LRRIQ3: variants seen among roughly 807,000 people sequenced by gnomAD.
LRRIQ3 encodes leucine rich repeats and IQ motif containing 3.
Under a neutral mutation model 59.3 loss-of-function variants are expected in LRRIQ3, and 75 were observed. That is an observed-to-expected ratio of 1.26 (90% confidence interval 1.05 to 1.53). The LOEUF is 1.53. Among genes scored for constraint, LRRIQ3 ranks in the 40% most tolerant of loss-of-function variants. LRRIQ3 has a pLI of 0.00. For missense variants in LRRIQ3, 831 were observed against 710.0 expected (o/e 1.17, Z -1.94); for synonymous variants, 250 against 231.3 (o/e 1.08, Z -0.73).
intron 6 of LRRIQ3, 30 bp from the exon 7 acceptor site, chr1:74,041,963 T>A (rs774174478): frequency 1.3e-6 from 2 of 1,522,374 alleles, no homozygotes; most frequent in Non-Finnish European, 1.8e-6. Context: ...ATATTATACA[T>A]TATACAAGAG....
At chr1:74,186,893 T>C (rs1650419044) in intron 1 of LRRIQ3, among the ~76,000 whole-genome samples, 1 of 152,134 alleles carries the variant, frequency 6.6e-6, no homozygotes, top group Non-Finnish European at 1.5e-5. Flanking sequence ...CAGTGTCTTT[T>C]CCTCCATTTT....
At chr1:74,174,228 G>A (rs1201102164) in intron 3 of LRRIQ3, among the ~76,000 whole-genome samples, 38 of 149,100 alleles carry the variant, frequency 2.5e-4, no homozygotes, top group East Asian at 1.2e-3. Flanking sequence ...TTTTCTTTTC[G>A]TCTCTCTGAC....
At chr1:74,040,173 C>A (rs1175092379) in intron 7 of LRRIQ3, among the ~76,000 whole-genome samples, 1 of 152,074 alleles carries the variant, frequency 6.6e-6, no homozygotes, top group African/African-American at 2.4e-5. Context: ...TTTAAACCAA[C>A]AAAAATCAGA....
intron 5 of LRRIQ3, among the ~76,000 whole-genome samples, chr1:74,094,279 C>G (rs1001542330): frequency 6.6e-6 from 1 of 151,994 alleles, no homozygotes; most frequent in African/African-American, 2.4e-5. Context: ...GCTCATAACA[C>G]TTTATAGGCA....
rs1313296437 is a variant in LRRIQ3, at chr1:74,183,448, G to A, written c.237C>T (p.Leu79=). Residue 79 remains leucine (L), a synonymous_variant, in exon 2 of 8, where the codon CTC becomes CTT. Transcript: ENST00000354431. ...GGCTATTGCTTACCTGATTTCCATG[G>A]AGATCAAGTTTGATTAATTTTATAC... ...QSCIKLIKLD[L]HGNQIKSLPN... is the part of the protein sequence containing the mutation. 1.9e-6 allele frequency: 3 copies of A among 1,572,554 alleles called. No individual in the cohort carries two copies. The African/African-American group carries it at 4.1e-5, about 22-fold the overall frequency.
At chr1:74,104,293 T>C (rs1646577642) in intron 5 of LRRIQ3, among the ~76,000 whole-genome samples, 1 of 152,040 alleles carries the variant, frequency 6.6e-6, no homozygotes, top group Non-Finnish European at 1.5e-5. Context: ...TACAGCTGTT[T>C]GTATGACATT....
At chr1:74,177,016 T>C (rs1649683811) in intron 3 of LRRIQ3, among the ~76,000 whole-genome samples, 1 of 152,050 alleles carries the variant, frequency 6.6e-6, no homozygotes, top group Non-Finnish European at 1.5e-5. Context: ...TGCAGTAGAG[T>C]GGTTATTTTC....
chr1:74,049,211 T>C (rs910067452), intron 6 of LRRIQ3, among the ~76,000 whole-genome samples: 2 of 152,158 alleles, frequency 1.3e-5, no homozygotes, highest in East Asian at 3.9e-4. Flanking sequence ...AGAGTGGTGC[T>C]GGAGACGCTC....
chr1:74,168,299 T>C (rs1649116689), intron 3 of LRRIQ3, among the ~76,000 whole-genome samples: 1 of 152,040 alleles, frequency 6.6e-6, no homozygotes, highest in Non-Finnish European at 1.5e-5. Flanking sequence ...GGCTATGCCT[T>C]ATTAGTAGAT....
chr1:74,190,859 G>C (rs1189820378), intron 1 of LRRIQ3, among the ~76,000 whole-genome samples: 1 of 152,106 alleles, frequency 6.6e-6, no homozygotes, highest in African/African-American at 2.4e-5. Context: ...GAAGATAGTG[G>C]AGTGAAATAT....
intron 5 of LRRIQ3, among the ~76,000 whole-genome samples, chr1:74,105,837 A>C (rs1157328338): frequency 6.6e-6 from 1 of 152,028 alleles, no homozygotes; most frequent in African/African-American, 2.4e-5. Flanking sequence ...AAAGTAAATA[A>C]AAATATTCTA....
At chr1:74,195,145 A>C (rs1182504866) in intron 1 of LRRIQ3, among the ~76,000 whole-genome samples, 2 of 152,184 alleles carry the variant, frequency 1.3e-5, no homozygotes, top group Non-Finnish European at 2.9e-5. Flanking sequence ...TTAAGAAATA[A>C]ATTGAGAACA....
intron 6 of LRRIQ3, among the ~76,000 whole-genome samples, chr1:74,057,026 G>GT (rs944217335): frequency 2.0e-5 from 3 of 152,108 alleles, no homozygotes; most frequent in Non-Finnish European, 4.4e-5. Context: ...CGCTATGATT[G>GT]TAAGTTTCCT....
Position 74,198,168 on chromosome 1 carries a change from G to A in LRRIQ3, c.-173C>T. ...CGGGCGCCAGCCAAGGCGCTCCGGGGGCGTGGTTACGTGGGCGACGCACGG... is the reference window on the plus strand; with the variant it reads ...CGGGCGCCAGCCAAGGCGCTCCGGGAGCGTGGTTACGTGGGCGACGCACGG... On this transcript the variant is annotated 5_prime_UTR_variant, in exon 1 of 8. Transcript: ENST00000354431. The A allele has an allele frequency of 1.4e-5, 21 of 1,524,512 alleles. No individual in the cohort carries two copies. The highest frequency in any genetic ancestry group is 1.8e-5 in the Non-Finnish European group (20 of 1,137,746). The allele number at this position is 1,524,512 out of a possible 1,614,324, so 94.4% of individuals were successfully genotyped here. A position where few individuals can be genotyped will look rare whatever the true frequency, so the allele number is the denominator to read the frequency against.
chr1:74,042,877 C>T (rs1022046699), intron 6 of LRRIQ3, among the ~76,000 whole-genome samples: 2 of 152,018 alleles, frequency 1.3e-5, no homozygotes, highest in Admixed American at 6.6e-5. Context: ...CAATGTGCAC[C>T]TTCTTTCCAC....
chr1:74,053,743 T>C (rs1035134313), intron 6 of LRRIQ3, among the ~76,000 whole-genome samples: 1 of 151,964 alleles, frequency 6.6e-6, no homozygotes, highest in African/African-American at 2.4e-5. Flanking sequence ...TTAAAGAAAA[T>C]ATACAGATAG....
intron 4 of LRRIQ3, among the ~76,000 whole-genome samples, chr1:74,128,721 T>G (rs560122112): frequency 6.6e-6 from 1 of 152,168 alleles, no homozygotes; most frequent in East Asian, 1.9e-4. Flanking sequence ...AGTCTGAGGT[T>G]GTTTGTATGT....
intron 4 of LRRIQ3, among the ~76,000 whole-genome samples, chr1:74,112,954 C>T (rs1054640169): frequency 1.3e-5 from 2 of 151,842 alleles, no homozygotes; most frequent in East Asian, 1.9e-4. Flanking sequence ...CAAAATAGGG[C>T]AGACAACAGA....
chr1:74,111,243 T>C (rs566999557), intron 4 of LRRIQ3, among the ~76,000 whole-genome samples: 1 of 152,116 alleles, frequency 6.6e-6, no homozygotes, highest in Non-Finnish European at 1.5e-5. Flanking sequence ...GCTTATATTC[T>C]CTACTATGTA....
Sources: gnomAD v4.1 joint callset for allele counts (sites outside exome capture counted in the v4.1 genomes callset) on GRCh38, gnomAD v4.1.1 for gene constraint, MANE v1.5 for transcripts, NCBI Gene and HGNC (gene_info 2026-07-23, HGNC 2026-07-21) for gene names.